ANKRD36B: variants seen among roughly 807,000 people sequenced by gnomAD.
ANKRD36B encodes the protein ankyrin repeat domain 36B.
Under a neutral mutation model 135.7 loss-of-function variants are expected in ANKRD36B, and 37 were observed. The ratio of observed to expected loss-of-function variants is 0.27; its 90% CI spans 0.21 to 0.36. ANKRD36B has a LOEUF of 0.36. Among genes scored for constraint, ANKRD36B ranks in the 10% least tolerant of loss-of-function variants. The pLI, the probability that ANKRD36B is intolerant of heterozygous loss-of-function variation, is 1.00. For synonymous variants in ANKRD36B, 179 were observed against 348.1 expected, an observed-to-expected ratio of 0.51 and a Z score of 5.41; for missense variants, 549 against 1,037.1, an observed-to-expected ratio of 0.53 and a Z score of 6.46.
At chr2:97,553,477 G>T in intron 14 of ANKRD36B, 106 bp from the exon 15 acceptor site, 2 of 1,342,684 alleles carry the variant, frequency 1.5e-6, no homozygotes, top group Non-Finnish European at 1.0e-6. Context: ...CTGTATTAGT[G>T]TAGGCTTTGA....
intron 6 of ANKRD36B, among the ~76,000 whole-genome samples, chr2:97,568,451 C>A (rs1413981417): frequency 1.3e-5 from 2 of 152,160 alleles, no homozygotes; most frequent in African/African-American, 4.8e-5. Context: ...TAAGAGAGAT[C>A]AGTGTCCTTA....
At chr2:97,560,557 T>C in intron 8 of ANKRD36B, 108 bp downstream of exon 8, 1 of 1,494,360 alleles carries the variant, frequency 6.7e-7, no homozygotes, top group Non-Finnish European at 9.1e-7. Context: ...TCAGGTGTAC[T>C]GAATCAGAAC....
In ANKRD36B at chr2:97,533,743, A is replaced by C. The variant is rs1207055523; in HGVS notation, c.2192-1359T>G. On this transcript the variant is annotated intron_variant, in intron 34 of 43. Transcript: ENST00000359901. ...AACTTTCTGAATCCACTCATGCAAGAAGATATGTAAACCACATCAAAAATA... is the reference window on the plus strand; with the variant it reads ...AACTTTCTGAATCCACTCATGCAAGCAGATATGTAAACCACATCAAAAATA... 3.1e-4 allele frequency among the ~76,000 whole-genome samples: 30 copies of C among 95,312 alleles called. 12 individuals carry two copies. Among genetic ancestry groups the C allele is most frequent in the African/African-American group, 8.2e-4 (26 of 31,706 alleles). 62.5% of individuals were successfully genotyped at this position (95,312 alleles called of 152,430 possible).
At chr2:97,545,811 A>T (rs1295347600) in intron 23 of ANKRD36B, 22 bp downstream of exon 23, 1 of 962,922 alleles carries the variant, frequency 1.0e-6, no homozygotes, top group Admixed American at 2.1e-5. Flanking sequence ...ATAGTTCAAA[A>T]TACAAAAGAG....
At chr2:97,571,033 G>A (rs770251919) in intron 6 of ANKRD36B, among the ~76,000 whole-genome samples, 2 of 152,126 alleles carry the variant, frequency 1.3e-5, no homozygotes, top group African/African-American at 4.8e-5. Flanking sequence ...GCCAAAAAAT[G>A]ATGAAAAACA....
chr2:97,554,517 G>A (rs2080324456), intron 14 of ANKRD36B, among the ~76,000 whole-genome samples: 1 of 151,882 alleles, frequency 6.6e-6, no homozygotes, highest in Non-Finnish European at 1.5e-5. Flanking sequence ...TGCATCCGAA[G>A]TGAGTTCACT....
chr2:97,556,452 C>G (rs979140005), intron 12 of ANKRD36B, among the ~76,000 whole-genome samples: 4 of 151,876 alleles, frequency 2.6e-5, no homozygotes, highest in African/African-American at 9.7e-5. Flanking sequence ...CTTCTTCCTT[C>G]CCCTCTTTCT....
At chr2:97,544,050 T>G in intron 24 of ANKRD36B, 65 bp from the exon 25 acceptor site, 1 of 115,958 alleles carries the variant, frequency 8.6e-6, no homozygotes, top group Non-Finnish European at 2.0e-5. Context: ...CATACATTCC[T>G]GCACTGTTGG....
At chr2:97,550,254 T>A (rs6542885) in intron 18 of ANKRD36B, among the ~76,000 whole-genome samples, 99,607 of 134,198 alleles carry the variant, frequency 0.74, 38,986 homozygotes, top group African/African-American at 0.9. Context: ...GCCTTCCAAA[T>A]GTTTCTTCAT....
rs2082884687 is a variant in ANKRD36B at position 97,585,092 on chromosome 2, C to CA, written c.301dup (p.Cys101LeufsTer29). The CA allele has an allele frequency of 6.2e-7, 1 of 1,612,962 alleles. No homozygotes were observed. The highest frequency in any genetic ancestry group is 1.1e-5 in the South Asian group (1 of 91,016). On this transcript the variant is annotated frameshift_variant, in exon 3 of 44. Transcript: ENST00000359901. LOFTEE classifies it high-confidence loss of function. Reference sequence around the variant, plus strand: ...GCCATTTTGCAGCAGAAGAGTTGCACAAGCCTCCTGCCTCAGTTGTACAGC... The same window carrying CA: ...GCCATTTTGCAGCAGAAGAGTTGCACAAAGCCTCCTGCCTCAGTTGTACAGC...
intron 12 of ANKRD36B, 78 bp downstream of exon 12, chr2:97,556,859 C>T (rs1361629417): frequency 9.2e-6 from 14 of 1,521,336 alleles, no homozygotes; most frequent in Admixed American, 2.2e-5. Flanking sequence ...TCAATGACAC[C>T]CCACTGATCT....
rs565689864 is a variant in ANKRD36B, at chr2:97,532,724, CAAA to C, written c.2192-343_2192-341del. Among the ~76,000 whole-genome samples the C allele has an allele frequency of 2.3e-3, 89 of 37,952 alleles. 13 individuals are homozygous for C. The highest frequency in any genetic ancestry group is 4.7e-3 in the African/African-American group (76 of 16,186). 24.9% of individuals were successfully genotyped at this position (37,952 alleles called of 152,430 possible). On this transcript the variant is annotated intron_variant, in intron 34 of 43. Transcript: ENST00000359901. ...TGGGTGGCAGAGCGAGACTGTGTCT[CAAA>C]AAAAAAAAAAAAAAGCCATATTCTT... is the stretch of plus-strand genomic sequence containing the variant.
intron 8 of ANKRD36B, among the ~76,000 whole-genome samples, chr2:97,559,962 T>C (rs575771683): frequency 6.6e-6 from 1 of 152,038 alleles, no homozygotes; most frequent in African/African-American, 2.4e-5. Flanking sequence ...ATAAGTAAAG[T>C]CAACAAAACA....
intron 6 of ANKRD36B, among the ~76,000 whole-genome samples, chr2:97,567,280 TAC>T (rs2104842633): frequency 6.7e-6 from 1 of 148,682 alleles, no homozygotes; most frequent in East Asian, 2.0e-4. Flanking sequence ...TGAATACAGC[TAC>T]CTGGATGCTC....
At chr2:97,516,266 G>C (rs2077824472) in intron 36 of ANKRD36B, among the ~76,000 whole-genome samples, 1 of 32,160 alleles carries the variant, frequency 3.1e-5, no homozygotes, top group African/African-American at 8.5e-5. Flanking sequence ...ACCCAGGGAA[G>C]ATTTCCCTGA....
chr2:97,514,007 T>C lies in ANKRD36B; in HGVS notation c.2622-644A>G, dbSNP rs540793822. ...ATTGCTGTCTCATGCTTCTCTAAAA[T>C]GTATAAAACCAAGCTGCACCCCGAC... On this transcript the variant is annotated intron_variant, in intron 37 of 43. Transcript: ENST00000359901. 2.8e-3 allele frequency among the ~76,000 whole-genome samples: 358 copies of C among 126,936 alleles called. 22 individuals are homozygous for C. Among genetic ancestry groups the C allele is most frequent in the East Asian group, 0.025 (111 of 4,436 alleles). 83.3% of individuals were successfully genotyped at this position (126,936 alleles called of 152,430 possible).
At chr2:97,557,996 TAA>T (rs2080681323) in intron 10 of ANKRD36B, among the ~76,000 whole-genome samples, 2 of 151,984 alleles carry the variant, frequency 1.3e-5, no homozygotes, top group Admixed American at 1.3e-4. Context: ...TAGTCTGGTA[TAA>T]AATATCATGT....
At chr2:97,525,475 C>T (rs1205618612) in intron 35 of ANKRD36B, among the ~76,000 whole-genome samples, 1 of 96,610 alleles carries the variant, frequency 1.0e-5, no homozygotes, top group African/African-American at 3.1e-5. Flanking sequence ...GTGTGAGCGA[C>T]GCAGAAGATG....
Position 97,541,825 on chromosome 2 carries a change from C to T in ANKRD36B, c.1885+86G>A, listed in dbSNP as rs2079163608. ...CATGCTGAATCCAAACATAAAGCTT[C>T]AATGAAACCCCCGCTGATTTATTTG... On this transcript the variant is annotated intron_variant, in intron 28 of 43. Transcript: ENST00000359901. The T allele has an allele frequency of 5.5e-6, 5 of 911,818 alleles. No individual in the cohort carries two copies. The South Asian group carries it at 6.3e-5, about 12-fold the overall frequency. The allele number at this position is 911,818 out of a possible 1,614,324, so 56.5% of individuals were successfully genotyped here.
Sources: gnomAD v4.1 joint callset for allele counts (sites outside exome capture counted in the v4.1 genomes callset) on GRCh38, gnomAD v4.1.1 for gene constraint, MANE v1.5 for transcripts, NCBI Gene and HGNC (gene_info 2026-07-23, HGNC 2026-07-21) for gene names.